ASIC2: variants seen among roughly 807,000 people sequenced by gnomAD.
ASIC2 encodes acid sensing ion channel subunit 2, also known as acid-sensing ion channel 2.
In ASIC2, 25 loss-of-function variants were observed where a neutral mutation model predicts 57.3. That is an observed-to-expected ratio of 0.44 (90% CI 0.32 to 0.61). ASIC2 has a LOEUF of 0.61. Among genes scored for constraint, ASIC2 ranks in the 20% least tolerant of loss-of-function variants. The pLI is 0.06. For missense variants in ASIC2, 641 were observed against 738.1 expected, an observed-to-expected ratio of 0.87 and a Z score of 1.52; for synonymous variants, 319 against 307.5, an observed-to-expected ratio of 1.04 and a Z score of -0.39.
chr17:34,156,039 T>C lies in ASIC2; in HGVS notation c.494A>G (p.Lys165Arg), dbSNP rs559046627. 2 of 1,613,998 alleles carry C rather than the reference T, an allele frequency of 1.2e-6. No homozygotes were observed. Among genetic ancestry groups the C allele is most frequent in the East Asian group, 4.5e-5 (2 of 44,806 alleles). ...GAACTTGCAGTAGAGCATCATATCC[T>C]TCAGGTCATGGCCCACACGGTGCAG... Residue 165 changes from lysine (K) to arginine (R), a missense_variant, in exon 1 of 10, where the codon AAG becomes AGG. Coordinates refer to the ASIC2 transcript ENST00000359872. The surrounding 1 kb of genome is among the most constrained non-coding windows in gnomAD (Gnocchi z 4.4).
rs78917919 is a variant in ASIC2, at chr17:33,242,871, A to C, written c.708+48537T>G. ...GCAGGGAAGGTGGGCAGGGAGTAAG[A>C]GATCTGGATCGAGAGGTGATTGCTG... is the stretch of plus-strand genomic sequence containing the variant. On this transcript the variant is annotated intron_variant, in intron 1 of 9. Coordinates refer to ENST00000225823, the MANE Select transcript of ASIC2 (RefSeq NM_183377.2). Among the ~76,000 whole-genome samples the C allele has an allele frequency of 0.011, 1,622 of 152,208 alleles. 56 individuals are homozygous for C. The East Asian group carries it at 0.12, about 12-fold the overall frequency.
intron 1 of ASIC2, among the ~76,000 whole-genome samples, chr17:33,231,894 C>T (rs1189855684): frequency 6.6e-6 from 1 of 152,122 alleles, no homozygotes; most frequent in East Asian, 1.9e-4. Flanking sequence ...GGGAGCCTGT[C>T]CTCTCCTTTA....
chr17:33,152,227 C>T (rs1039096058), intron 1 of ASIC2, among the ~76,000 whole-genome samples: 1 of 152,114 alleles, frequency 6.6e-6, no homozygotes, highest in Non-Finnish European at 1.5e-5. Flanking sequence ...CCCAGTGAAG[C>T]GCTACTCGAT....
intron 1 of ASIC2, among the ~76,000 whole-genome samples, chr17:33,551,885 C>T (rs548122458): frequency 1.2e-3 from 183 of 152,310 alleles, no homozygotes; most frequent in African/African-American, 4.1e-3. Context: ...CCCAAACCAG[C>T]TGCCACCAAG....
At chr17:33,441,318 GA>G (rs1214197834) in intron 1 of ASIC2, among the ~76,000 whole-genome samples, 3 of 152,094 alleles carry the variant, frequency 2.0e-5, no homozygotes, top group African/African-American at 7.2e-5. Flanking sequence ...AGGTTTATAT[GA>G]AGTCCAATTT....
At chr17:33,556,902 G>A (rs541857253) in intron 1 of ASIC2, among the ~76,000 whole-genome samples, 2 of 152,328 alleles carry the variant, frequency 1.3e-5, no homozygotes, top group East Asian at 1.9e-4. Flanking sequence ...AGTAGAACAT[G>A]TCTTGGTCTG....
chr17:33,773,175 A>T (rs994673347), intron 1 of ASIC2, among the ~76,000 whole-genome samples: 1 of 152,158 alleles, frequency 6.6e-6, no homozygotes, highest in East Asian at 1.9e-4. Flanking sequence ...CTGCATAGGG[A>T]TTGAAAATCT....
chr17:33,232,446 A>AATGGT (rs796183336), intron 1 of ASIC2, among the ~76,000 whole-genome samples: 1,938 of 127,956 alleles, frequency 0.015, 16 homozygotes, highest in African/African-American at 0.028. Flanking sequence ...TATGGTATGG[A>AATGGT]ATGGTATGGT....
At chr17:33,896,536 A>G (rs1181609484) in intron 1 of ASIC2, among the ~76,000 whole-genome samples, 1 of 152,238 alleles carries the variant, frequency 6.6e-6, no homozygotes, top group African/African-American at 2.4e-5. Flanking sequence ...GAGGATGGGC[A>G]GGGTCTGTTC....
chr17:33,507,960 G>A (rs1914315384), intron 1 of ASIC2, among the ~76,000 whole-genome samples: 1 of 152,112 alleles, frequency 6.6e-6, no homozygotes, highest in Non-Finnish European at 1.5e-5. Flanking sequence ...ATATGCCATA[G>A]TCTGAATAGT....
At chr17:33,790,840 A>G (rs921003645) in intron 1 of ASIC2, among the ~76,000 whole-genome samples, 5 of 152,228 alleles carry the variant, frequency 3.3e-5, no homozygotes, top group African/African-American at 9.6e-5. Flanking sequence ...TTGAGAATTT[A>G]TCATGTACCA....
chr17:33,601,996 TA>T (rs1334713727), intron 1 of ASIC2, among the ~76,000 whole-genome samples: 3 of 152,272 alleles, frequency 2.0e-5, no homozygotes, highest in African/African-American at 7.2e-5. Context: ...TTGTACTTTG[TA>T]AGTGTATAAC....
intron 1 of ASIC2, among the ~76,000 whole-genome samples, chr17:33,212,449 A>G (rs1379601500): frequency 1.3e-5 from 2 of 152,242 alleles, no homozygotes; most frequent in Admixed American, 6.5e-5. Context: ...GGGAGCCTTC[A>G]GAAGGGGCCA....
At chr17:33,326,668 G>A (rs530554856) in intron 1 of ASIC2, among the ~76,000 whole-genome samples, 1 of 152,222 alleles carries the variant, frequency 6.6e-6, no homozygotes, top group South Asian at 2.1e-4. Context: ...AGCTGGGGAG[G>A]GCCTGTAGAA....
chr17:33,912,137 C>CAA (rs34408257), intron 1 of ASIC2, among the ~76,000 whole-genome samples: 24 of 49,412 alleles, frequency 4.9e-4, no homozygotes, highest in Non-Finnish European at 5.9e-4. Flanking sequence ...GAGACTCCGT[C>CAA]AAAAAAAAAA....
intron 3 of ASIC2, among the ~76,000 whole-genome samples, chr17:33,067,181 C>A (rs2092047117): frequency 6.6e-6 from 1 of 152,098 alleles, no homozygotes; most frequent in Non-Finnish European, 1.5e-5. Context: ...AATGGCCAAG[C>A]CTAGGCAAGG....
chr17:33,995,953 A>G (rs1307013869), intron 1 of ASIC2, among the ~76,000 whole-genome samples: 2 of 152,210 alleles, frequency 1.3e-5, no homozygotes, highest in Non-Finnish European at 2.9e-5. Context: ...GTAGCAATTT[A>G]CATTCCCACC....
At chr17:34,044,907 T>A (rs1358045196) in intron 1 of ASIC2, among the ~76,000 whole-genome samples, 1 of 152,224 alleles carries the variant, frequency 6.6e-6, no homozygotes, top group African/African-American at 2.4e-5. Flanking sequence ...ATTTATTTAT[T>A]CAGCGTCTTC....
chr17:33,311,800 T>A (rs1906435771), intron 1 of ASIC2, among the ~76,000 whole-genome samples: 1 of 152,160 alleles, frequency 6.6e-6, no homozygotes, highest in African/African-American at 2.4e-5. Flanking sequence ...GCTTCTTATT[T>A]CACATATTTT....
Sources: gnomAD v4.1 joint callset for allele counts (sites outside exome capture counted in the v4.1 genomes callset) on GRCh38, gnomAD v4.1.1 for gene constraint, Gnocchi (gnomAD v3.1) non-coding constraint, MANE v1.5 for transcripts, NCBI Gene and HGNC (gene_info 2026-07-23, HGNC 2026-07-21) for gene names.